The following NMT2 variants were observed in gnomAD, a reference collection of about 807,000 sequenced individuals.
The protein encoded by NMT2 is N-myristoyltransferase 2, also known as glycylpeptide N-tetradecanoyltransferase 2.
A neutral mutation model predicts 65.4 loss-of-function variants in NMT2; 35 were observed. The observed-to-expected ratio is 0.54, with a 90% CI of 0.41 to 0.71. The LOEUF is 0.71. Ranked by LOEUF, NMT2 falls within the 30% of genes least tolerant of loss-of-function variation. NMT2 has a pLI of 0.00. For synonymous variants in NMT2, 226 were observed against 231.8 expected, an observed-to-expected ratio of 0.98 and a Z score of 0.23; for missense variants, 489 against 611.3, an observed-to-expected ratio of 0.80 and a Z score of 2.11.
intron 9 of NMT2, among the ~76,000 whole-genome samples, chr10:15,118,238 T>C (rs1431457064): frequency 6.6e-6 from 1 of 152,138 alleles, no homozygotes; most frequent in Non-Finnish European, 1.5e-5. Context: ...GTATTCAGCA[T>C]ATAAAAAACC....
intron 8 of NMT2, among the ~76,000 whole-genome samples, chr10:15,120,155 G>C (rs140876907): frequency 1.3e-5 from 2 of 152,280 alleles, no homozygotes; most frequent in African/African-American, 4.8e-5. Flanking sequence ...GTAATCCAGA[G>C]ATGATTTAAA....
chr10:15,125,598 C>T (rs1846047597), intron 8 of NMT2, among the ~76,000 whole-genome samples: 1 of 151,904 alleles, frequency 6.6e-6, no homozygotes, highest in Admixed American at 6.6e-5. Context: ...AGCATTTGCC[C>T]ATAGTGAAAA....
chr10:15,132,461 CA>C (rs1846318893), intron 6 of NMT2, among the ~76,000 whole-genome samples: 1 of 151,866 alleles, frequency 6.6e-6, no homozygotes, highest in African/African-American at 2.4e-5. Context: ...GAGTTTCGCT[CA>C]TGTTGCCCAG....
intron 3 of NMT2, 69 bp downstream of exon 3, chr10:15,135,204 GT>G: frequency 7.3e-7 from 1 of 1,361,088 alleles, no homozygotes; most frequent in Non-Finnish European, 1.0e-6. Context: ...TGTTGTTGTT[GT>G]TGTTGTTGTT....
At chr10:15,136,330 CAG>C (rs544019093) in intron 2 of NMT2, among the ~76,000 whole-genome samples, 2 of 132,772 alleles carry the variant, frequency 1.5e-5, no homozygotes, top group African/African-American at 2.9e-5. Context: ...GGGAGAGAGA[CAG>C]AGAGAAAGAA....
At chr10:15,118,192 T>C (rs149632352) in intron 9 of NMT2, among the ~76,000 whole-genome samples, 40 of 152,252 alleles carry the variant, frequency 2.6e-4, no homozygotes, top group Admixed American at 6.5e-4. Flanking sequence ...AAATAGAATA[T>C]AGAGGACCCA....
chr10:15,115,395 A>G (rs1024762356), intron 9 of NMT2, among the ~76,000 whole-genome samples: 1 of 152,236 alleles, frequency 6.6e-6, no homozygotes. Context: ...CCAATCGACT[A>G]TAAGTCACAT....
chr10:15,150,571 A>G (rs769630356), intron 1 of NMT2, among the ~76,000 whole-genome samples: 11 of 152,114 alleles, frequency 7.2e-5, no homozygotes, highest in Admixed American at 3.3e-4. Context: ...TTGGTGTAGG[A>G]AGTATCTACA....
intron 2 of NMT2, among the ~76,000 whole-genome samples, chr10:15,136,963 T>C (rs1846534134): frequency 6.6e-6 from 1 of 152,130 alleles, no homozygotes; most frequent in Admixed American, 6.6e-5. Flanking sequence ...ACTGAGACAT[T>C]GTAGAACTTT....
At chr10:15,116,705 G>C (rs902664401) in intron 9 of NMT2, among the ~76,000 whole-genome samples, 3 of 152,016 alleles carry the variant, frequency 2.0e-5, no homozygotes, top group Non-Finnish European at 4.4e-5. Context: ...GAGAAGACAC[G>C]AATCACCAAT....
chr10:15,126,003 A>T (rs531602684), intron 8 of NMT2, among the ~76,000 whole-genome samples: 1 of 152,162 alleles, frequency 6.6e-6, no homozygotes, highest in South Asian at 2.1e-4. Context: ...AACACTTCAA[A>T]CAAAAGATCC....
rs770035619 is a variant in NMT2, at chr10:15,130,135, C to G, written c.890+7G>C. On this transcript the variant is annotated splice_region_variant and intron_variant, in intron 7 of 11. Coordinates refer to ENST00000378165, the MANE Select transcript of NMT2 (RefSeq NM_004808.3). ...GAGGACCTGAGGTAGAAATATGGTA[C>G]TGGTACCTGCATGTGGCTATGGGCT... 6.7e-7 allele frequency: 1 copy of G among 1,491,152 alleles called. No homozygotes were observed. The highest frequency in any genetic ancestry group is 9.0e-7 in the Non-Finnish European group (1 of 1,114,532). The allele number at this position is 1,491,152 out of a possible 1,614,324, so 92.4% of individuals were successfully genotyped here. A position where few individuals can be genotyped will look rare whatever the true frequency, so the allele number is the denominator to read the frequency against.
At chr10:15,121,450 G>A (rs758421433) in intron 8 of NMT2, among the ~76,000 whole-genome samples, 14 of 152,182 alleles carry the variant, frequency 9.2e-5, no homozygotes, top group South Asian at 2.1e-4. Flanking sequence ...TCACTGCAAC[G>A]TCTGCCTCCT....
In NMT2 at chr10:15,130,240, CACTGGGGCT is replaced by C; in HGVS notation, c.783_791del (p.Ala262_Val264del). The stretch of plus-strand genomic sequence containing the variant: ...CTCTTCTAGTGATCTCTCGGATTAG[CACTGGGGCT>C]ACCCGTTTCGATCTCAACTTCTTAT... On this transcript the variant is annotated inframe_deletion, in exon 7 of 12. Transcript: ENST00000378165. 1 of 1,609,450 alleles carries C rather than the reference CACTGGGGCT, an allele frequency of 6.2e-7. No homozygotes were observed. Among genetic ancestry groups the C allele is most frequent in the Non-Finnish European group, 8.5e-7 (1 of 1,177,698 alleles).
chr10:15,143,445 A>G (rs954151609), intron 1 of NMT2, among the ~76,000 whole-genome samples: 2 of 152,190 alleles, frequency 1.3e-5, no homozygotes, highest in Non-Finnish European at 2.9e-5. Context: ...AATATCTCCA[A>G]ATTTCCAAGA....
intron 1 of NMT2, among the ~76,000 whole-genome samples, chr10:15,145,231 G>A (rs1345149767): frequency 6.6e-6 from 1 of 152,182 alleles, no homozygotes; most frequent in African/African-American, 2.4e-5. Flanking sequence ...GATTAGTGGT[G>A]GTCAGGGGCT....
At chr10:15,125,081 T>G (rs996749155) in intron 8 of NMT2, among the ~76,000 whole-genome samples, 3 of 152,192 alleles carry the variant, frequency 2.0e-5, no homozygotes, top group African/African-American at 7.2e-5. Flanking sequence ...TCCCAAGCCC[T>G]CCACTTGGTG....
chr10:15,114,525 G>C (rs1441986439), intron 9 of NMT2, among the ~76,000 whole-genome samples: 1 of 152,118 alleles, frequency 6.6e-6, no homozygotes, highest in East Asian at 1.9e-4. Context: ...TGGCTTATAA[G>C]CAACTTCTAA....
chr10:15,133,266 T>C lies in NMT2; in HGVS notation c.489A>G (p.Leu163=). Residue 163 remains leucine, a synonymous_variant, in exon 4 of 12, where the codon TTA becomes TTG. Transcript: ENST00000378165. ...SLPQGFMWDT[L]DLSDAEVLKE... ...TCACCACTTCGGCATCACTCAAGTCTAAAGTGTCCCACATAAAACCCTGTG... is the reference window on the plus strand; with the variant it reads ...TCACCACTTCGGCATCACTCAAGTCCAAAGTGTCCCACATAAAACCCTGTG... The C allele has an allele frequency of 1.2e-6, 2 of 1,614,114 alleles. No homozygotes were observed. Among genetic ancestry groups the C allele is most frequent in the Non-Finnish European group, 1.7e-6 (2 of 1,179,936 alleles).
Sources: allele counts gnomAD v4.1 joint callset (sites outside exome capture counted in the v4.1 genomes callset), GRCh38; gene constraint gnomAD v4.1.1; transcripts MANE v1.5; gene names NCBI Gene and HGNC (gene_info 2026-07-23, HGNC 2026-07-21).